The following TJP1 variants were observed in gnomAD, a reference collection of about 807,000 sequenced individuals.
TJP1 encodes tight junction protein ZO-1.
A neutral mutation model predicts 194.2 loss-of-function variants in TJP1; 43 were observed. That is an observed-to-expected ratio of 0.22 (90% confidence interval 0.17 to 0.29). TJP1 has a LOEUF of 0.29. TJP1 is among the 10% of genes least tolerant of loss of function. The pLI, the probability that TJP1 is intolerant of heterozygous loss-of-function variation, is 1.00. For missense variants in TJP1, 1,971 were observed against 2,185.7 expected (o/e 0.90, Z 1.96); for synonymous variants, 801 against 779.0 (o/e 1.03, Z -0.47).
At chr15:29,760,181 G>T (rs1384586302) in intron 8 of TJP1, 2 of 701,876 alleles carry the variant, frequency 2.8e-6, no homozygotes. Context: ...CCATGGGTCA[G>T]GTGGTGGCCT....
intron 2 of TJP1, among the ~76,000 whole-genome samples, chr15:29,869,861 C>CA (rs968230499): frequency 2.2e-4 from 27 of 121,906 alleles, no homozygotes; most frequent in African/African-American, 8.6e-4. Flanking sequence ...GGCTGGAGTG[C>CA]AGTGGCGCGA....
At chr15:29,730,540 T>C (rs1350055679) in intron 15 of TJP1, among the ~76,000 whole-genome samples, 1 of 149,446 alleles carries the variant, frequency 6.7e-6, no homozygotes, top group African/African-American at 2.5e-5. Context: ...GGGACTACAG[T>C]GAGCAATGAT....
intron 2 of TJP1, among the ~76,000 whole-genome samples, chr15:29,828,399 A>T (rs980365077): frequency 1.3e-5 from 2 of 151,644 alleles, no homozygotes; most frequent in Non-Finnish European, 2.9e-5. Flanking sequence ...CAACAACAAC[A>T]AAAAAATATA....
chr15:29,832,850 G>T (rs1461000019), intron 2 of TJP1, among the ~76,000 whole-genome samples: 1 of 152,214 alleles, frequency 6.6e-6, no homozygotes, highest in Admixed American at 6.5e-5. Context: ...GAGATTGCTG[G>T]CAGATGGCCT....
Position 29,701,686 on chromosome 15 carries a change from T to A in TJP1, c.5216A>T (p.Asp1739Val). 1 of 1,613,552 alleles carries A rather than the reference T, an allele frequency of 6.2e-7. No individual in the cohort carries two copies. Among genetic ancestry groups the A allele is most frequent in the Non-Finnish European group, 8.5e-7 (1 of 1,179,498 alleles). Residue 1739 changes from aspartate to valine, a missense_variant, in exon 28 of 28, where the codon GAT (aspartate) becomes GTT (valine). Asp to Val is a radical substitution (Grantham distance 152). Coordinates refer to ENST00000614355, the MANE Select transcript of TJP1 (RefSeq NM_001330239.4). ...ACACTTGTTTTGCCAGGTTTTAGGA[T>A]CACCTATGAGAGAAAAGAAGTTGAT... ...ALKSSDSSSG[D>V]PKTWQNKCLP...
chr15:29,780,663 A>G (rs759872619), intron 2 of TJP1, among the ~76,000 whole-genome samples: 1 of 152,306 alleles, frequency 6.6e-6, no homozygotes, highest in Non-Finnish European at 1.5e-5. Flanking sequence ...TGCCTGAAAG[A>G]AGGCTTAAAA....
intron 2 of TJP1, among the ~76,000 whole-genome samples, chr15:29,784,133 A>T (rs1567020997): frequency 6.7e-6 from 1 of 149,844 alleles, no homozygotes. Flanking sequence ...TTTAAAAAAC[A>T]AAAAAAACTT....
intron 8 of TJP1, among the ~76,000 whole-genome samples, chr15:29,756,661 G>A (rs2045662535): frequency 6.6e-6 from 1 of 152,172 alleles, no homozygotes; most frequent in Non-Finnish European, 1.5e-5. Context: ...ATATCACACA[G>A]AGGAACATAA....
chr15:29,705,867 C>T (rs1200485968), intron 25 of TJP1, 122 bp from the exon 26 acceptor site: 2 of 794,762 alleles, frequency 2.5e-6, no homozygotes, highest in Admixed American at 2.7e-5. Flanking sequence ...GTTACTTTAA[C>T]AAGATAAGTT....
At chr15:29,786,768 C>T (rs548845168) in intron 2 of TJP1, among the ~76,000 whole-genome samples, 2 of 152,274 alleles carry the variant, frequency 1.3e-5, no homozygotes, top group South Asian at 2.1e-4. Context: ...TCCCAAAGTA[C>T]TGGAATTACA....
At chr15:29,961,260 C>T (rs1449561529) in intron 1 of TJP1, among the ~76,000 whole-genome samples, 1 of 150,280 alleles carries the variant, frequency 6.7e-6, no homozygotes, top group African/African-American at 2.5e-5. Flanking sequence ...CCCTTTATGA[C>T]AGGGAAATAA....
intron 2 of TJP1, among the ~76,000 whole-genome samples, chr15:29,875,559 A>G (rs1190849806): frequency 6.6e-6 from 1 of 151,870 alleles, no homozygotes; most frequent in East Asian, 1.9e-4. Flanking sequence ...TTGGTTCTTC[A>G]TATTTTTTTA....
At chr15:29,888,300 A>G (rs1311487530) in intron 2 of TJP1, among the ~76,000 whole-genome samples, 1 of 152,124 alleles carries the variant, frequency 6.6e-6, no homozygotes, top group Non-Finnish European at 1.5e-5. Flanking sequence ...ATGTTTACAC[A>G]TATGTAGAAA....
chr15:29,954,150 A>T (rs1446953119), intron 2 of TJP1, among the ~76,000 whole-genome samples: 1 of 152,218 alleles, frequency 6.6e-6, no homozygotes, highest in Non-Finnish European at 1.5e-5. Context: ...CTTCAACCAG[A>T]TCAATTCTTT....
intron 2 of TJP1, among the ~76,000 whole-genome samples, chr15:29,778,424 A>G (rs538887564): frequency 6.6e-6 from 1 of 152,132 alleles, no homozygotes; most frequent in South Asian, 2.1e-4. Context: ...AGATCAGTTC[A>G]TTAAAAATTT....
At chr15:29,730,595 T>C in intron 15 of TJP1, 4 of 525,632 alleles carry the variant, frequency 7.6e-6, no homozygotes, top group South Asian at 1.6e-5. Context: ...ACTCTGTCTC[T>C]GAAAAAAAAA....
intron 2 of TJP1, among the ~76,000 whole-genome samples, chr15:29,867,858 C>A (rs1377142725): frequency 1.3e-5 from 2 of 152,088 alleles, no homozygotes; most frequent in Non-Finnish European, 2.9e-5. Context: ...GAGTTCCAGA[C>A]CAGCCTGGAC....
At chr15:29,965,006 C>G (rs2056282679) in intron 1 of TJP1, among the ~76,000 whole-genome samples, 1 of 152,120 alleles carries the variant, frequency 6.6e-6, no homozygotes, top group Non-Finnish European at 1.5e-5. Flanking sequence ...CAAAGAAAAA[C>G]TGACAGGCAC....
At position 29,846,289 on chromosome 15, in the gene TJP1, C is replaced by A. The variant is rs180699145; in HGVS notation, c.307-45587G>T. On this transcript the variant is annotated intron_variant, in intron 2 of 28. Coordinates refer to the TJP1 transcript ENST00000356107. ...ATGTCTTTCCATTCACTGCGATAGC[C>A]CCAGTGAGGGTCCCCCCAGTTCTAG... Among the ~76,000 whole-genome samples, 911 of 152,256 alleles carry A rather than the reference C, an allele frequency of 6.0e-3. 9 individuals are homozygous for A. Among genetic ancestry groups the A allele is most frequent in the African/African-American group, 0.02 (842 of 41,548 alleles).
Sources: gnomAD v4.1 joint callset for allele counts (sites outside exome capture counted in the v4.1 genomes callset) on GRCh38, gnomAD v4.1.1 for gene constraint, MANE v1.5 for transcripts, NCBI Gene and HGNC (gene_info 2026-07-23, HGNC 2026-07-21) for gene names.